The following KLHL15 variants were observed in gnomAD, a reference collection of about 807,000 sequenced individuals.
KLHL15 encodes the protein kelch like family member 15.
A neutral mutation model predicts 29.3 loss-of-function variants in KLHL15; 1 was observed. That is an observed-to-expected ratio of 0.03 (90% CI 0.01 to 0.16). The LOEUF (loss-of-function observed/expected upper bound fraction) is 0.16. Ranked by LOEUF, KLHL15 falls within the 10% of genes least tolerant of loss-of-function variation. The pLI, the probability that KLHL15 is intolerant of heterozygous loss-of-function variation, is 1.00. For synonymous variants in KLHL15, 212 were observed against 184.5 expected (o/e 1.15, Z -1.21); for missense variants, 215 against 478.5 (o/e 0.45, Z 5.14).
chrX:24,024,772 G>A, intron 2 of KLHL15, 85 bp downstream of exon 2: 1 of 297,414 alleles, frequency 3.4e-6, no homozygotes, highest in Non-Finnish European at 5.9e-6. Context: ...GGTCCGTGCA[G>A]AGAGGGCCGG....
chrX:24,007,508 A>AAAAT (rs1307669839), intron 2 of KLHL15, among the ~76,000 whole-genome samples: 18 of 35,919 alleles, frequency 5.0e-4, no homozygotes, highest in African/African-American at 3.0e-4. Flanking sequence ...AAAAAAAAAA[A>AAAAT]ATATATATAT....
intron 2 of KLHL15, among the ~76,000 whole-genome samples, chrX:24,017,211 C>CAA (rs781366129): frequency 2.1e-3 from 92 of 43,087 alleles, no homozygotes; most frequent in African/African-American, 5.2e-3. Context: ...GAGCCTGTCT[C>CAA]AAAAAAAAAA....
Position 23,987,122 on chromosome X carries a change from A to T in KLHL15, c.*799T>A, listed in dbSNP as rs1247099430. 1 of 112,816 alleles carries T rather than the reference A, an allele frequency of 8.9e-6. No homozygotes were observed. Among genetic ancestry groups the T allele is most frequent in the African/African-American group, 3.2e-5 (1 of 31,111 alleles). 9.3% of individuals were successfully genotyped at this position (112,816 alleles called of 1,213,427 possible). On this transcript the variant is annotated 3_prime_UTR_variant, in exon 4 of 4. Transcript: ENST00000328046. ...AATATAAGGAGTTCAAATATTACTGAATCAGTATGGACTGAAGATAGGCTA... is the reference window on the plus strand; with the variant it reads ...AATATAAGGAGTTCAAATATTACTGTATCAGTATGGACTGAAGATAGGCTA...
At position 23,987,023 on chromosome X, in the gene KLHL15, G is replaced by A. The variant is rs996149981; in HGVS notation, c.*898C>T. 2 of 112,188 alleles carry A rather than the reference G, an allele frequency of 1.8e-5. No homozygotes were observed. The highest frequency in any genetic ancestry group is 3.8e-5 in the Non-Finnish European group (2 of 53,210). 9.2% of individuals were successfully genotyped at this position (112,188 alleles called of 1,213,427 possible). On this transcript the variant is annotated 3_prime_UTR_variant, in exon 4 of 4. Transcript: ENST00000328046. Reference sequence around the variant, plus strand: ...TTTTCAAAAAGAAAAGACATACATCGACAAAGAACACTAACATTTACTTTT... The same window carrying A: ...TTTTCAAAAAGAAAAGACATACATCAACAAAGAACACTAACATTTACTTTT...
chrX:23,998,527 G>A (rs1929242623), intron 3 of KLHL15, among the ~76,000 whole-genome samples: 1 of 111,910 alleles, frequency 8.9e-6, no homozygotes, highest in East Asian at 2.8e-4. Context: ...AAAGTGCTGG[G>A]ATTACAGGTG....
At chrX:24,023,798 AT>A (rs1037457204) in intron 2 of KLHL15, among the ~76,000 whole-genome samples, 2 of 112,459 alleles carry the variant, frequency 1.8e-5, no homozygotes, top group Non-Finnish European at 3.7e-5. Context: ...ATATAATTAC[AT>A]TAAGTGCTAA....
In KLHL15 at chrX:23,987,143, G is replaced by T. The variant is rs923201959; in HGVS notation, c.*778C>A. Reference sequence around the variant, plus strand: ...ACTGAATCAGTATGGACTGAAGATAGGCTACTTTGATAGCAAATGAGGACT... The same window carrying T: ...ACTGAATCAGTATGGACTGAAGATATGCTACTTTGATAGCAAATGAGGACT... On this transcript the variant is annotated 3_prime_UTR_variant, in exon 4 of 4. Coordinates refer to ENST00000328046, the MANE Select transcript of KLHL15 (RefSeq NM_030624.3). 1.8e-5 allele frequency: 2 copies of T among 112,325 alleles called. No individual in the cohort carries two copies. The highest frequency in any genetic ancestry group is 3.8e-5 in the Non-Finnish European group (2 of 53,258). 9.3% of individuals were successfully genotyped at this position (112,325 alleles called of 1,213,427 possible). A position where few individuals can be genotyped will look rare whatever the true frequency, so the allele number is the denominator to read the frequency against.
intron 2 of KLHL15, among the ~76,000 whole-genome samples, chrX:24,012,698 T>C (rs1445646599): frequency 9.0e-6 from 1 of 111,674 alleles, no homozygotes; most frequent in African/African-American, 3.3e-5. Flanking sequence ...CATTTTGGTA[T>C]GATCCCATTT....
At chrX:24,021,444 TC>T (rs974636984) in intron 2 of KLHL15, among the ~76,000 whole-genome samples, 1 of 111,387 alleles carries the variant, frequency 9.0e-6, no homozygotes, top group Non-Finnish European at 1.9e-5. Context: ...CCCATGCCCC[TC>T]CACTTTATTA....
rs1323349670 is a variant in KLHL15, at chrX:23,988,896, C to T, written c.840G>A (p.Pro280=). The T allele has an allele frequency of 2.2e-5, 27 of 1,210,037 alleles. No individual in the cohort carries two copies. The Admixed American group carries it at 5.7e-4, about 26-fold the overall frequency. Reference sequence around the variant, plus strand: ...TCATTCCTCGAAATACTGTAGTTTGCGGTTTTGCAGAACGGATGCGGCTTG... The same window carrying T: ...TCATTCCTCGAAATACTGTAGTTTGTGGTTTTGCAGAACGGATGCGGCTTG... ...MKSSRIRSAK[P]QTTVFRGMIG... The change falls in exon 4 of 4, where the codon CCG becomes CCA. Residue 280 remains proline (P), a synonymous_variant. Transcript: ENST00000328046.
At chrX:24,015,263 C>T (rs1287311779) in intron 2 of KLHL15, among the ~76,000 whole-genome samples, 1 of 111,727 alleles carries the variant, frequency 9.0e-6, no homozygotes, top group Non-Finnish European at 1.9e-5. Flanking sequence ...TATTTTTAGT[C>T]CTAAAATTCT....
At chrX:24,012,536 A>G (rs866319756) in intron 2 of KLHL15, among the ~76,000 whole-genome samples, 1 of 111,519 alleles carries the variant, frequency 9.0e-6, no homozygotes, top group Non-Finnish European at 1.9e-5. Context: ...TCATCTAAAC[A>G]CTGTTGTCTC....
intron 2 of KLHL15, among the ~76,000 whole-genome samples, chrX:24,008,363 C>G (rs765821055): frequency 9.0e-6 from 1 of 111,596 alleles, no homozygotes; most frequent in Non-Finnish European, 1.9e-5. Context: ...GCCTCAGCCT[C>G]CCGAGTAGCT....
At position 23,985,913 on chromosome X, in the gene KLHL15, A is replaced by G. The variant is rs1326257616; in HGVS notation, c.*2008T>C. On this transcript the variant is annotated 3_prime_UTR_variant, in exon 4 of 4. Coordinates refer to ENST00000328046, the MANE Select transcript of KLHL15 (RefSeq NM_030624.3). ...AAAATTAAATGGCTAACTTATTCCT[A>G]ACTTTCAAAAATAAAATAATGTATT... 1 of 97,354 alleles carries G rather than the reference A, an allele frequency of 1.0e-5. No individual in the cohort carries two copies. Among genetic ancestry groups the G allele is most frequent in the Non-Finnish European group, 2.0e-5 (1 of 50,423 alleles). The allele number at this position is 97,354 out of a possible 1,213,427, so 8.0% of individuals were successfully genotyped here. A position where few individuals can be genotyped will look rare whatever the true frequency, so the allele number is the denominator to read the frequency against.
intron 2 of KLHL15, among the ~76,000 whole-genome samples, chrX:24,024,095 T>C (rs1229533633): frequency 1.8e-5 from 2 of 111,943 alleles, no homozygotes; most frequent in Non-Finnish European, 3.8e-5. Flanking sequence ...TAAAGCGGCC[T>C]AGAACGATGA....
At chrX:24,011,462 G>A (rs1032142874) in intron 2 of KLHL15, among the ~76,000 whole-genome samples, 4 of 111,390 alleles carry the variant, frequency 3.6e-5, no homozygotes, top group Non-Finnish European at 7.6e-5. Flanking sequence ...TGGCCAACAT[G>A]GTGAAACCCC....
At chrX:24,006,822 A>C (rs774523760) in intron 2 of KLHL15, 122 bp from the exon 3 acceptor site, 1 of 519,595 alleles carries the variant, frequency 1.9e-6, no homozygotes, top group Admixed American at 4.1e-5. Flanking sequence ...CAAAATGTAC[A>C]AGTCCTTTGG....
At chrX:23,991,739 T>C (rs904574256) in intron 3 of KLHL15, among the ~76,000 whole-genome samples, 4 of 111,333 alleles carry the variant, frequency 3.6e-5, no homozygotes, top group Non-Finnish European at 7.5e-5. Flanking sequence ...ACTGGGAGGC[T>C]GAGGTAGTAG....
At chrX:24,025,701 G>A (rs1929917296) in intron 1 of KLHL15, among the ~76,000 whole-genome samples, 1 of 107,462 alleles carries the variant, frequency 9.3e-6, no homozygotes, top group Non-Finnish European at 2.0e-5. Context: ...CCACGGGAGC[G>A]GGAGCGGGTG....
Sources: allele counts gnomAD v4.1 joint callset (sites outside exome capture counted in the v4.1 genomes callset), GRCh38; gene constraint gnomAD v4.1.1; transcripts MANE v1.5; gene names NCBI Gene and HGNC (gene_info 2026-07-23, HGNC 2026-07-21).